The following C4BPA variants were observed in gnomAD, a reference collection of about 807,000 sequenced individuals.
The protein encoded by C4BPA is C4b-binding protein alpha chain.
A neutral mutation model predicts 63.7 loss-of-function variants in C4BPA; 31 were observed. The ratio of observed to expected loss-of-function variants is 0.49; its 90% CI spans 0.37 to 0.66. C4BPA has a LOEUF of 0.66. C4BPA is among the 30% of genes least tolerant of loss of function. The probability of loss-of-function intolerance (pLI) is 0.00; values close to 1 mark genes in which losing one functional copy is unlikely to be tolerated. For synonymous variants in C4BPA, 259 were observed against 254.7 expected, an observed-to-expected ratio of 1.02 and a Z score of -0.16; for missense variants, 572 against 723.3, an observed-to-expected ratio of 0.79 and a Z score of 2.40.
chr1:207,115,479 C>G lies in C4BPA; in HGVS notation c.392C>G (p.Ser131Cys), dbSNP rs1260474654. Reference sequence around the variant, plus strand: ...CAAGTAGAGATTAAGACAGATTTATCTTTTGGATCACAAATAGAATTCAGC... The same window carrying G: ...CAAGTAGAGATTAAGACAGATTTATGTTTTGGATCACAAATAGAATTCAGC... Reference protein sequence around the residue: ...NGQVEIKTDLSFGSQIEFSCS... With the variant: ...NGQVEIKTDLCFGSQIEFSCS... Residue 131 changes from serine to cysteine, a missense_variant, in exon 4 of 12, where the codon TCT becomes TGT. This residue lies in a region of C4BPA where 465 missense variants were observed against 629.4 expected (regional missense o/e 0.74). Coordinates refer to ENST00000367070, the MANE Select transcript of C4BPA (RefSeq NM_000715.4). The G allele has an allele frequency of 1.9e-6, 3 of 1,596,180 alleles. No individual in the cohort carries two copies. The highest frequency in any genetic ancestry group is 2.6e-6 in the Non-Finnish European group (3 of 1,173,318).
intron 9 of C4BPA, among the ~76,000 whole-genome samples, chr1:207,135,743 G>T (rs1685267922): frequency 6.6e-6 from 1 of 152,206 alleles, no homozygotes; most frequent in African/African-American, 2.4e-5. Context: ...TCCCATCACT[G>T]TCAAGCATTG....
chr1:207,117,108 G>T (rs926125190), intron 4 of C4BPA, among the ~76,000 whole-genome samples: 1 of 152,052 alleles, frequency 6.6e-6, no homozygotes, highest in Non-Finnish European at 1.5e-5. Context: ...TTTTCTATAA[G>T]AACTTTAAAG....
rs73079110 is a variant in C4BPA, at chr1:207,111,640, A to G, written c.-25-1361A>G. 7.6e-3 allele frequency among the ~76,000 whole-genome samples: 1,155 copies of G among 152,326 alleles called. 15 individuals are homozygous for G. Among genetic ancestry groups the G allele is most frequent in the African/African-American group, 0.026 (1,077 of 41,566 alleles). ...GTCCCACATTATGTAAGACTGGCCC[A>G]TATTACTGAGACCAGCTTTATGTTG... is the stretch of plus-strand genomic sequence containing the variant. On this transcript the variant is annotated intron_variant, in intron 1 of 11. Coordinates refer to ENST00000367070, the MANE Select transcript of C4BPA (RefSeq NM_000715.4).
At chr1:207,116,668 T>C (rs1684797780) in intron 4 of C4BPA, among the ~76,000 whole-genome samples, 1 of 152,082 alleles carries the variant, frequency 6.6e-6, no homozygotes, top group African/African-American at 2.4e-5. Flanking sequence ...TTTTGGATTT[T>C]ATGTCCTAAG....
At chr1:207,125,904 T>C (rs187997199) in intron 6 of C4BPA, among the ~76,000 whole-genome samples, 2 of 152,168 alleles carry the variant, frequency 1.3e-5, no homozygotes, top group Admixed American at 1.3e-4. Flanking sequence ...GTAGCAGAAT[T>C]GCCAGGACTG....
intron 3 of C4BPA, 91 bp downstream of exon 3, chr1:207,114,376 G>C: frequency 1.0e-6 from 1 of 1,001,814 alleles, no homozygotes; most frequent in East Asian, 2.8e-5. Flanking sequence ...TAGTCACCAA[G>C]AAGACAGTTT....
intron 4 of C4BPA, among the ~76,000 whole-genome samples, chr1:207,117,011 GC>G (rs1392055754): frequency 6.6e-6 from 1 of 152,090 alleles, no homozygotes; most frequent in Non-Finnish European, 1.5e-5. Flanking sequence ...AATAATTGAA[GC>G]TTTATAATAT....
chr1:207,112,301 T>A (rs1684682853), intron 1 of C4BPA, among the ~76,000 whole-genome samples: 1 of 151,862 alleles, frequency 6.6e-6, no homozygotes, highest in Non-Finnish European at 1.5e-5. Context: ...AATACTTCTA[T>A]ACGGCGACTC....
At chr1:207,120,126 T>A (rs1047161458) in intron 4 of C4BPA, among the ~76,000 whole-genome samples, 7 of 152,184 alleles carry the variant, frequency 4.6e-5, no homozygotes, top group Admixed American at 1.3e-4. Context: ...CCCTTCATTA[T>A]CAGGATTAGT....
Position 207,113,034 on chromosome 1 carries a change from CCCAAAAACT to C in C4BPA, c.13_21del (p.Lys5_Pro7del). ...CAGCGAAGCAGCAGGCCATGCACCC[CCCAAAAACT>C]CCATCTGGGGCTCTTCATAGAAAAA... On this transcript the variant is annotated inframe_deletion, in exon 2 of 12. Coordinates refer to ENST00000367070, the MANE Select transcript of C4BPA (RefSeq NM_000715.4). 1 of 1,596,950 alleles carries C rather than the reference CCCAAAAACT, an allele frequency of 6.3e-7. No individual in the cohort carries two copies.
chr1:207,112,358 T>G (rs1053403377), intron 1 of C4BPA, among the ~76,000 whole-genome samples: 5 of 151,490 alleles, frequency 3.3e-5, no homozygotes, highest in East Asian at 1.9e-4. Flanking sequence ...TTGTTTTTTT[T>G]TTTTTTTTTT....
chr1:207,132,401 T>G (rs1316158463), intron 8 of C4BPA, among the ~76,000 whole-genome samples: 2 of 152,232 alleles, frequency 1.3e-5, no homozygotes, highest in Non-Finnish European at 2.9e-5. Context: ...AAATGCTTTC[T>G]TCTATCCATC....
At chr1:207,122,607 C>T (rs552136903) in intron 4 of C4BPA, among the ~76,000 whole-genome samples, 7 of 152,122 alleles carry the variant, frequency 4.6e-5, no homozygotes, top group South Asian at 2.1e-4. Context: ...AGGTCTCACT[C>T]CCTTTGCCCA....
intron 7 of C4BPA, among the ~76,000 whole-genome samples, chr1:207,128,269 C>T (rs578024801): frequency 3.0e-4 from 46 of 152,244 alleles, no homozygotes; most frequent in Middle Eastern, 6.8e-3. Flanking sequence ...TGGTGGTGGG[C>T]GCAGCTGGGT....
rs1056067080 is a variant in C4BPA at position 207,113,186 on chromosome 1, G to T, written c.142+19G>T. ...GTTCTTGGTGAGTAGTGGGAAACAAGCTCAAATCAGCAACAAACAATGAAG... is the reference window on the plus strand; with the variant it reads ...GTTCTTGGTGAGTAGTGGGAAACAATCTCAAATCAGCAACAAACAATGAAG... On this transcript the variant is annotated intron_variant, in intron 2 of 11. Coordinates refer to ENST00000367070, the MANE Select transcript of C4BPA (RefSeq NM_000715.4). 1 of 1,600,370 alleles carries T rather than the reference G, an allele frequency of 6.2e-7. No individual in the cohort carries two copies. The highest frequency in any genetic ancestry group is 1.1e-5 in the South Asian group (1 of 88,566).
chr1:207,114,101 C>T lies in C4BPA; in HGVS notation c.144C>T (p.Gly48=). 2.5e-6 allele frequency: 4 copies of T among 1,610,634 alleles called. No homozygotes were observed. The highest frequency in any genetic ancestry group is 4.5e-5 in the East Asian group (2 of 44,768). ...LIAALLPAVL[G]NCGPPPTLSF... is the part of the protein sequence containing the mutation. The stretch of plus-strand genomic sequence containing the variant: ...GCTCCTTCTCATTTTGGTGTCCAGG[C>T]AATTGTGGTCCTCCACCCACTTTAT... Residue 48 remains glycine, a splice_region_variant and synonymous_variant, in exon 3 of 12, where the codon GGC becomes GGT. Transcript: ENST00000367070.
At chr1:207,125,358 T>C (rs1272832505) in intron 6 of C4BPA, among the ~76,000 whole-genome samples, 1 of 152,198 alleles carries the variant, frequency 6.6e-6, no homozygotes, top group Admixed American at 6.5e-5. Flanking sequence ...GAAAGATAAC[T>C]CTGGCTGTGG....
chr1:207,108,307 G>A (rs1684598419), intron 1 of C4BPA, among the ~76,000 whole-genome samples: 1 of 150,900 alleles, frequency 6.6e-6, no homozygotes, highest in Admixed American at 6.6e-5. Context: ...TATTATTCCA[G>A]AAAAAAAAAT....
intron 2 of C4BPA, 134 bp downstream of exon 2, chr1:207,113,301 C>A: frequency 1.1e-6 from 1 of 944,370 alleles, no homozygotes; most frequent in Non-Finnish European, 1.6e-6. Flanking sequence ...GTTTATTTGA[C>A]AGGCTAGAAC....
Sources: allele counts gnomAD v4.1 joint callset (sites outside exome capture counted in the v4.1 genomes callset), GRCh38; gene constraint gnomAD v4.1.1; regional missense constraint gnomAD v4.1.1; transcripts MANE v1.5; gene names NCBI Gene and HGNC (gene_info 2026-07-23, HGNC 2026-07-21).